The following WDR26 variants were observed in gnomAD, a reference collection of about 807,000 sequenced individuals.
WDR26 encodes the protein WD repeat-containing protein 26.
Under a neutral mutation model 84.1 loss-of-function variants are expected in WDR26, and 5 were observed. The observed-to-expected ratio is 0.06, with a 90% CI of 0.03 to 0.13. WDR26 has a LOEUF of 0.13. WDR26 is among the 10% of genes least tolerant of loss of function. The pLI, the probability that WDR26 is intolerant of heterozygous loss-of-function variation, is 1.00. For missense variants in WDR26, 642 were observed against 974.9 expected (o/e 0.66, Z 4.55); for synonymous variants, 415 against 389.6 (o/e 1.07, Z -0.77).
At position 224,389,660 on chromosome 1, in the gene WDR26, G is replaced by A. The variant is rs1673070312; in HGVS notation, c.*175C>T. On this transcript the variant is annotated 3_prime_UTR_variant, in exon 14 of 14. Transcript: ENST00000414423. ...CTAACGACGTGCTTCATCTCAACTG[G>A]TTACTATGAAGCAAGGTGTAAATGT... The A allele has an allele frequency of 1.5e-6, 1 of 674,574 alleles. No homozygotes were observed. 41.8% of individuals were successfully genotyped at this position (674,574 alleles called of 1,614,324 possible).
chr1:224,415,744 G>C (rs966838430), intron 6 of WDR26, among the ~76,000 whole-genome samples: 1 of 152,178 alleles, frequency 6.6e-6, no homozygotes, highest in Non-Finnish European at 1.5e-5. Flanking sequence ...ACAGGCGTGA[G>C]CCACTGCACC....
At chr1:224,394,597 C>CTGAGGCA (rs375334791) in intron 12 of WDR26, among the ~76,000 whole-genome samples, 1 of 151,702 alleles carries the variant, frequency 6.6e-6, no homozygotes. Flanking sequence ...CTCCACCTCC[C>CTGAGGCA]GGGTTCAAGC....
intron 12 of WDR26, among the ~76,000 whole-genome samples, chr1:224,396,864 G>A (rs1673278483): frequency 6.6e-6 from 1 of 151,062 alleles, no homozygotes; most frequent in Non-Finnish European, 1.5e-5. Context: ...GGTGGAGGTT[G>A]CATCAAGATC....
rs1240569684 is a variant in WDR26 at position 224,385,161 on chromosome 1, T to A, written c.*4674A>T. On this transcript the variant is annotated 3_prime_UTR_variant, in exon 14 of 14. Transcript: ENST00000414423. Reference sequence around the variant, plus strand: ...CCAAGAATTATTTAGGTATTCATTCTGTTTATTGGATTGAAAGAAAGGGAA... The same window carrying A: ...CCAAGAATTATTTAGGTATTCATTCAGTTTATTGGATTGAAAGAAAGGGAA... 6.6e-6 allele frequency: 1 copy of A among 152,248 alleles called. No individual in the cohort carries two copies. The highest frequency in any genetic ancestry group is 1.9e-4 in the East Asian group (1 of 5,204). The allele number at this position is 152,248 out of a possible 1,614,324, so 9.4% of individuals were successfully genotyped here. A position where few individuals can be genotyped will look rare whatever the true frequency, so the allele number is the denominator to read the frequency against.
intron 3 of WDR26, 158 bp from the exon 4 acceptor site, chr1:224,424,812 G>T: frequency 2.4e-6 from 2 of 817,246 alleles, no homozygotes; most frequent in Non-Finnish European, 3.8e-6. Flanking sequence ...GTTTAGTAGA[G>T]CCACAGTAGA....
At position 224,391,363 on chromosome 1, in the gene WDR26, C is replaced by CA. The variant is rs869213487; in HGVS notation, c.2261-1504dup. ...GGGCAACAAGAGCAAAACTCTGTCT[C>CA]AAAAAAAAAAAAAAAAAAAACAAAA... On this transcript the variant is annotated intron_variant, in intron 13 of 13. Transcript: ENST00000414423. 1.6e-3 allele frequency among the ~76,000 whole-genome samples: 141 copies of CA among 89,086 alleles called. 1 individual carries two copies. The highest frequency in any genetic ancestry group is 3.6e-3 in the South Asian group (9 of 2,516). The allele number at this position is 89,086 out of a possible 152,430, so 58.4% of individuals were successfully genotyped here. A position where few individuals can be genotyped will look rare whatever the true frequency, so the allele number is the denominator to read the frequency against.
rs1445664986 is a variant in WDR26, at chr1:224,404,507, C to A, written c.1522G>T (p.Ala508Ser). 3.1e-6 allele frequency: 5 copies of A among 1,613,952 alleles called. No individual in the cohort carries two copies. Among genetic ancestry groups the A allele is most frequent in the Non-Finnish European group, 3.4e-6 (4 of 1,179,984 alleles). ...AGATAGTTGTCATCTGGACTCCATG[C>A]AATATAAGAAACGCCATAAGCATGT... The change falls in exon 8 of 14, where the codon GCA becomes TCA. Residue 508 changes from alanine (A) to serine (S), a missense_variant. Ala to Ser is a moderately conservative substitution (Grantham distance 99). Around this residue, in one of 2 missense-constraint regions of WDR26, gnomAD observed 351 missense variants for 672.8 expected, o/e 0.52. Coordinates refer to ENST00000414423, the MANE Select transcript of WDR26 (RefSeq NM_001379403.1).
At position 224,434,598 on chromosome 1, in the gene WDR26, G is replaced by A; in HGVS notation, c.-193C>T. Reference sequence around the variant, plus strand: ...CCCCCCCCCTCCCGGAGGCAGCTCGGGGTGCGCGGCCCGGGGGTCGCGCCG... The same window carrying A: ...CCCCCCCCCTCCCGGAGGCAGCTCGAGGTGCGCGGCCCGGGGGTCGCGCCG... On this transcript the variant is annotated 5_prime_UTR_variant, in exon 1 of 14. Transcript: ENST00000414423. The A allele has an allele frequency of 1.9e-6, 1 of 515,184 alleles. No individual in the cohort carries two copies. Among genetic ancestry groups the A allele is most frequent in the Non-Finnish European group, 2.5e-6 (1 of 403,374 alleles). The allele number at this position is 515,184 out of a possible 1,614,324, so 31.9% of individuals were successfully genotyped here.
chr1:224,429,849 A>G lies in WDR26; in HGVS notation c.927+1628T>C, dbSNP rs551177553. The G allele has an allele frequency of 8.4e-4, 128 of 152,294 alleles. 1 individual carries two copies. The highest frequency in any genetic ancestry group is 2.8e-3 in the African/African-American group (115 of 41,552). The allele number at this position is 152,294 out of a possible 1,614,324, so 9.4% of individuals were successfully genotyped here. A position where few individuals can be genotyped will look rare whatever the true frequency, so the allele number is the denominator to read the frequency against. ...AGTCATAATCGAAATCCAATACAGA[A>G]CTCTCAAATTACTATAAACAAATAA... is the stretch of plus-strand genomic sequence containing the variant. On this transcript the variant is annotated intron_variant, in intron 3 of 13. Coordinates refer to ENST00000414423, the MANE Select transcript of WDR26 (RefSeq NM_001379403.1).
At chr1:224,413,389 T>C in intron 6 of WDR26, 1 of 992,400 alleles carries the variant, frequency 1.0e-6, no homozygotes, top group Non-Finnish European at 1.3e-6. Flanking sequence ...TTGGTACACA[T>C]GGCAATCTAC....
chr1:224,407,122 TAAAAAAAAA>T (rs1158264938), intron 7 of WDR26, among the ~76,000 whole-genome samples: 3 of 11,684 alleles, frequency 2.6e-4, no homozygotes, highest in African/African-American at 8.6e-4. Context: ...ACTCTGTCTT[TAAAAAAAAA>T]AAAAAAAAAA....
intron 12 of WDR26, among the ~76,000 whole-genome samples, chr1:224,396,027 T>C (rs577527956): frequency 6.6e-6 from 1 of 152,342 alleles, no homozygotes; most frequent in South Asian, 2.1e-4. Context: ...ATATATTCCT[T>C]ACAAATAAAT....
chr1:224,424,058 C>CG (rs554775944), intron 4 of WDR26, among the ~76,000 whole-genome samples: 1 of 151,640 alleles, frequency 6.6e-6, no homozygotes, highest in South Asian at 2.1e-4. Context: ...CCTTCACCCC[C>CG]CAAAAAAGGA....
At chr1:224,408,989 C>T (rs1673658209) in intron 7 of WDR26, among the ~76,000 whole-genome samples, 1 of 152,010 alleles carries the variant, frequency 6.6e-6, no homozygotes, top group Non-Finnish European at 1.5e-5. Context: ...GTTTCCTTCA[C>T]TCTCAAATGC....
At position 224,386,246 on chromosome 1, in the gene WDR26, G is replaced by A. The variant is rs1032163454; in HGVS notation, c.*3589C>T. 1.3e-5 allele frequency: 2 copies of A among 152,432 alleles called. No individual in the cohort carries two copies. Among genetic ancestry groups the A allele is most frequent in the African/African-American group, 4.8e-5 (2 of 41,354 alleles). The allele number at this position is 152,432 out of a possible 1,614,324, so 9.4% of individuals were successfully genotyped here. A position where few individuals can be genotyped will look rare whatever the true frequency, so the allele number is the denominator to read the frequency against. On this transcript the variant is annotated 3_prime_UTR_variant, in exon 14 of 14. Coordinates refer to ENST00000414423, the MANE Select transcript of WDR26 (RefSeq NM_001379403.1). ...CTGAAATGGAAGTAATGTGTTGGAG[G>A]GCAACCCAAAAGGACAGTTGCGAAA... is the stretch of plus-strand genomic sequence containing the variant.
chr1:224,419,000 A>T (rs1214716663), intron 5 of WDR26, among the ~76,000 whole-genome samples: 2 of 152,220 alleles, frequency 1.3e-5, no homozygotes, highest in African/African-American at 4.8e-5. Context: ...CGGCTTTGTG[A>T]TTCTTAGGAT....
At chr1:224,408,188 C>T (rs1040575380) in intron 7 of WDR26, among the ~76,000 whole-genome samples, 2 of 152,224 alleles carry the variant, frequency 1.3e-5, no homozygotes, top group Non-Finnish European at 2.9e-5. Flanking sequence ...CCCCAAACCA[C>T]CTAAATGCCA....
chr1:224,419,845 T>C (rs1674009101), intron 4 of WDR26, among the ~76,000 whole-genome samples: 1 of 146,872 alleles, frequency 6.8e-6, no homozygotes, highest in Admixed American at 7.0e-5. Context: ...TCTTATGTTA[T>C]TGTTATATAT....
chr1:224,395,342 TTAA>T (rs1673231040), intron 12 of WDR26, among the ~76,000 whole-genome samples: 1 of 152,234 alleles, frequency 6.6e-6, no homozygotes, highest in African/African-American at 2.4e-5. Context: ...GGTGTATAAC[TTAA>T]TGATATATCA....
Sources: gnomAD v4.1 joint callset for allele counts (sites outside exome capture counted in the v4.1 genomes callset) on GRCh38, gnomAD v4.1.1 for gene constraint, gnomAD v4.1.1 regional missense constraint, MANE v1.5 for transcripts, NCBI Gene and HGNC (gene_info 2026-07-23, HGNC 2026-07-21) for gene names.